LRRC7: variants seen among roughly 807,000 people sequenced by gnomAD.
LRRC7 encodes leucine-rich repeat-containing protein 7.
Under a neutral mutation model 175.7 loss-of-function variants are expected in LRRC7, and 23 were observed. The ratio of observed to expected loss-of-function variants is 0.13; its 90% confidence interval spans 0.09 to 0.19. LRRC7 has a LOEUF of 0.19. Among genes scored for constraint, LRRC7 ranks in the 10% least tolerant of loss-of-function variants. The probability of loss-of-function intolerance (pLI) is 1.00; values close to 1 mark genes in which losing one functional copy is unlikely to be tolerated. For synonymous variants in LRRC7, 685 were observed against 680.9 expected (o/e 1.01, Z -0.09); for missense variants, 1,354 against 1,904.7 (o/e 0.71, Z 5.38).
At chr1:69,760,114 C>A in intron 2 of LRRC7, 77 bp from the exon 3 acceptor site, 2 of 1,454,610 alleles carry the variant, frequency 1.4e-6, no homozygotes, top group South Asian at 1.3e-5. Context: ...AATTTCTAAG[C>A]TTTAAATATT....
At chr1:70,101,975 G>A (rs547963230) in intron 25 of LRRC7, among the ~76,000 whole-genome samples, 8 of 152,146 alleles carry the variant, frequency 5.3e-5, no homozygotes, top group Non-Finnish European at 8.8e-5. Flanking sequence ...CTACCATGTT[G>A]CTCTGTTGTG....
At chr1:69,952,047 T>C (rs1168015577) in intron 8 of LRRC7, among the ~76,000 whole-genome samples, 1 of 151,726 alleles carries the variant, frequency 6.6e-6, no homozygotes, top group Non-Finnish European at 1.5e-5. Context: ...ATTGACCCTA[T>C]GAAAATGGAT....
At chr1:69,916,728 T>TACACATTAC (rs1027755063) in intron 7 of LRRC7, among the ~76,000 whole-genome samples, 61 of 152,240 alleles carry the variant, frequency 4.0e-4, no homozygotes, top group South Asian at 1.0e-3. Flanking sequence ...TGTCTTCATT[T>TACACATTAC]AACCGTCACT....
At chr1:69,810,095 T>C (rs1015964482) in intron 4 of LRRC7, among the ~76,000 whole-genome samples, 2 of 152,148 alleles carry the variant, frequency 1.3e-5, no homozygotes, top group Non-Finnish European at 2.9e-5. Context: ...AAAATCAATG[T>C]GCAAAAATCA....
intron 23 of LRRC7, among the ~76,000 whole-genome samples, chr1:70,056,683 T>C (rs1441736308): frequency 6.6e-6 from 1 of 152,192 alleles, no homozygotes; most frequent in Non-Finnish European, 1.5e-5. Flanking sequence ...AAGCCTCATC[T>C]TACATCTCAT....
chr1:69,778,029 C>T (rs544868757), intron 3 of LRRC7, among the ~76,000 whole-genome samples: 1 of 152,072 alleles, frequency 6.6e-6, no homozygotes, highest in African/African-American at 2.4e-5. Context: ...TTTCTGCAAT[C>T]TCTTCCTTCT....
chr1:70,091,227 T>G (rs1315181051), intron 25 of LRRC7, among the ~76,000 whole-genome samples: 1 of 152,182 alleles, frequency 6.6e-6, no homozygotes, highest in Non-Finnish European at 1.5e-5. Context: ...ATTAAAATAT[T>G]CATGGCTTAG....
rs542326497 is a variant in LRRC7, at chr1:70,136,118, ATTT to A, written c.*14243_*14245del. ...GTGTGTCTATATATCTTATCAGGCA[ATTT>A]TTTTTTTTTTTGCATTTCCACGTTT... On this transcript the variant is annotated 3_prime_UTR_variant, in exon 27 of 27. Coordinates refer to ENST00000651989, the MANE Select transcript of LRRC7 (RefSeq NM_001370785.2). Among the ~76,000 whole-genome samples, 2 of 135,074 alleles carry A rather than the reference ATTT, an allele frequency of 1.5e-5. No homozygotes were observed. The highest frequency in any genetic ancestry group is 5.5e-5 in the African/African-American group (2 of 36,604). 88.6% of individuals were successfully genotyped at this position (135,074 alleles called of 152,430 possible).
At chr1:69,704,721 C>T (rs1663805677) in intron 2 of LRRC7, among the ~76,000 whole-genome samples, 1 of 151,838 alleles carries the variant, frequency 6.6e-6, no homozygotes, top group Admixed American at 6.6e-5. Flanking sequence ...AAATCTAATA[C>T]ATTGTATCTA....
intron 8 of LRRC7, among the ~76,000 whole-genome samples, chr1:69,967,826 C>T (rs1651812120): frequency 1.3e-5 from 2 of 152,128 alleles, no homozygotes; most frequent in African/African-American, 2.4e-5. Context: ...AGACTTTTCC[C>T]TTCAACAGAG....
At position 69,627,749 on chromosome 1, in the gene LRRC7, C is replaced by T. The variant is rs139064086; in HGVS notation, c.3-50632C>T. ...TTATCATTAGAAAAGTCTTCCCACT[C>T]GGAGAATATCATGAGTATATTATTC... On this transcript the variant is annotated intron_variant, in intron 1 of 26. Coordinates refer to ENST00000651989, the MANE Select transcript of LRRC7 (RefSeq NM_001370785.2). Among the ~76,000 whole-genome samples, 1,122 of 152,010 alleles carry T rather than the reference C, an allele frequency of 7.4e-3. 11 individuals are homozygous for T. The highest frequency in any genetic ancestry group is 0.025 in the African/African-American group (1,052 of 41,486).
chr1:69,819,575 CTCTGTGTGTG>C lies in LRRC7; in HGVS notation c.422-6171_422-6162del, dbSNP rs59303620. 3.8e-3 allele frequency among the ~76,000 whole-genome samples: 509 copies of C among 133,292 alleles called. 1 individual carries two copies. Among genetic ancestry groups the C allele is most frequent in the African/African-American group, 0.012 (397 of 32,060 alleles). The allele number at this position is 133,292 out of a possible 152,430, so 87.4% of individuals were successfully genotyped here. A position where few individuals can be genotyped will look rare whatever the true frequency, so the allele number is the denominator to read the frequency against. ...GAATGCTCTCTCTCTCTCTCTCTCT[CTCTGTGTGTG>C]TGTGTGTGTGTGTGTGTGTGTGTGT... On this transcript the variant is annotated intron_variant, in intron 4 of 26. Coordinates refer to ENST00000651989, the MANE Select transcript of LRRC7 (RefSeq NM_001370785.2).
chr1:69,807,272 A>T (rs1677234543), intron 4 of LRRC7, among the ~76,000 whole-genome samples: 1 of 152,016 alleles, frequency 6.6e-6, no homozygotes, highest in Non-Finnish European at 1.5e-5. Flanking sequence ...GTGTCTTTTA[A>T]TTGGAGCATT....
chr1:69,628,208 A>C (rs1460557881), intron 1 of LRRC7, among the ~76,000 whole-genome samples: 1 of 152,178 alleles, frequency 6.6e-6, no homozygotes, highest in Admixed American at 6.5e-5. Context: ...CTTTGTTTGC[A>C]GATAACACCG....
chr1:69,614,961 T>C (rs1649384505), intron 1 of LRRC7, among the ~76,000 whole-genome samples: 1 of 152,056 alleles, frequency 6.6e-6, no homozygotes, highest in South Asian at 2.1e-4. Context: ...TAAATTTTAT[T>C]TGTGGTTTTG....
chr1:70,041,549 C>A (rs1659894144), intron 21 of LRRC7, among the ~76,000 whole-genome samples: 1 of 152,124 alleles, frequency 6.6e-6, no homozygotes, highest in Non-Finnish European at 1.5e-5. Context: ...ACTTGGAGGG[C>A]GAAAATATTT....
chr1:69,677,741 G>T (rs960285169), intron 1 of LRRC7, among the ~76,000 whole-genome samples: 1 of 151,894 alleles, frequency 6.6e-6, no homozygotes, highest in African/African-American at 2.4e-5. Flanking sequence ...CTCTTTAGTC[G>T]ATAGGTCTTT....
chr1:69,980,242 G>T (rs1570895101), intron 8 of LRRC7, 137 bp from the exon 9 acceptor site: 2 of 736,458 alleles, frequency 2.7e-6, no homozygotes, highest in Non-Finnish European at 2.3e-6. Context: ...TCTGTTAAAG[G>T]TGGAATTTCT....
chr1:69,669,483 A>T (rs1009041491), intron 1 of LRRC7, among the ~76,000 whole-genome samples: 3 of 152,086 alleles, frequency 2.0e-5, no homozygotes, highest in African/African-American at 7.2e-5. Flanking sequence ...TTTGCACTTG[A>T]TGCTTTTAGG....
Sources: gnomAD v4.1 joint callset for allele counts (sites outside exome capture counted in the v4.1 genomes callset) on GRCh38, gnomAD v4.1.1 for gene constraint, MANE v1.5 for transcripts, NCBI Gene and HGNC (gene_info 2026-07-23, HGNC 2026-07-21) for gene names.